Variants in SYCP2 observed in about 807,000 individuals in gnomAD.
SYCP2 encodes synaptonemal complex protein 2, also known as synaptonemal complex lateral element protein.
A neutral mutation model predicts 211.3 loss-of-function variants in SYCP2; 55 were observed. The observed-to-expected ratio is 0.26, with a 90% confidence interval of 0.21 to 0.33. SYCP2 has a LOEUF of 0.33. Ranked by LOEUF, SYCP2 falls within the 10% of genes least tolerant of loss-of-function variation. The pLI is 1.00. For synonymous variants in SYCP2, 570 were observed against 555.2 expected (o/e 1.03, Z -0.37); for missense variants, 1,731 against 1,752.0 (o/e 0.99, Z 0.21).
At chr20:59,912,143 C>T in intron 13 of SYCP2, 1 of 416,214 alleles carries the variant, frequency 2.4e-6, no homozygotes, top group Non-Finnish European at 4.3e-6. Context: ...CTTAAGGAAA[C>T]ACGAGAAAAA....
intron 30 of SYCP2, 103 bp downstream of exon 30, chr20:59,880,863 A>G (rs1173749524): frequency 1.7e-6 from 1 of 586,624 alleles, no homozygotes; most frequent in Non-Finnish European, 2.8e-6. Flanking sequence ...TGCATAAATA[A>G]AACAATCAAA....
intron 14 of SYCP2, among the ~76,000 whole-genome samples, chr20:59,907,711 A>T (rs2060239060): frequency 6.6e-6 from 1 of 152,178 alleles, no homozygotes; most frequent in African/African-American, 2.4e-5. Flanking sequence ...TACCCTTTTT[A>T]AAAATGTTAC....
chr20:59,880,891 T>G (rs1336159488), intron 30 of SYCP2, 75 bp downstream of exon 30: 1 of 721,764 alleles, frequency 1.4e-6, no homozygotes, highest in Non-Finnish European at 2.1e-6. Context: ...TGTTTTCTTG[T>G]TTTTGATAAT....
rs751528651 is a variant in SYCP2 at position 59,875,440 on chromosome 20, C to A, written c.3180G>T (p.Thr1060=). The change falls in exon 34 of 45, where the codon ACG becomes ACT. Residue 1060 remains threonine (T), a synonymous_variant. Coordinates refer to ENST00000357552, the MANE Select transcript of SYCP2 (RefSeq NM_014258.4). The part of the protein sequence containing the change: ...KEENIHSRMK[T]VKLPKKQQKV... ...TCTGTTGTTTCTTTGGTAGCTTTAC[C>A]GTTTTCATTCTGGAATGGATATTCT... The A allele has an allele frequency of 1.2e-6, 2 of 1,611,184 alleles. No homozygotes were observed. The highest frequency in any genetic ancestry group is 2.7e-5 in the African/African-American group (2 of 74,672).
intron 23 of SYCP2, 36 bp from the exon 24 acceptor site, chr20:59,892,462 T>G: frequency 6.8e-7 from 1 of 1,463,890 alleles, no homozygotes; most frequent in Non-Finnish European, 9.2e-7. Flanking sequence ...TCTTTTTAAA[T>G]TAATAAGTTG....
In SYCP2 at chr20:59,869,885, T is replaced by A. The variant is rs759532864; in HGVS notation, c.3654A>T (p.Ser1218=). 5.0e-6 allele frequency: 8 copies of A among 1,604,638 alleles called. No homozygotes were observed. The East Asian group carries it at 1.8e-4, about 36-fold the overall frequency. The change falls in exon 36 of 45, where the codon TCA becomes TCT. Residue 1218 remains serine, a synonymous_variant. Transcript: ENST00000357552. ...TQETQNSNSY[S]DVSSYSSEER... is the part of the protein sequence containing the mutation. ...CTTCTGAACTATAACTGCTTACATC[T>A]GAATAGCTGTTACTGTTTTGTGTTT...
intron 44 of SYCP2, among the ~76,000 whole-genome samples, chr20:59,864,993 T>G (rs1568895545): frequency 6.6e-6 from 1 of 152,084 alleles, no homozygotes; most frequent in East Asian, 1.9e-4. Flanking sequence ...TCTAAGTAAA[T>G]GACATCTTGT....
intron 2 of SYCP2, among the ~76,000 whole-genome samples, chr20:59,929,266 T>C (rs1160494508): frequency 6.6e-6 from 1 of 151,826 alleles, no homozygotes; most frequent in Non-Finnish European, 1.5e-5. Flanking sequence ...GAAGTCACAG[T>C]GGGAATAAAG....
intron 8 of SYCP2, 130 bp downstream of exon 8, chr20:59,916,356 T>C (rs1007919005): frequency 3.3e-6 from 2 of 605,416 alleles, no homozygotes; most frequent in African/African-American, 1.9e-5. Flanking sequence ...TGTCAGGCAA[T>C]AGATTATGAT....
chr20:59,921,181 G>A, intron 4 of SYCP2, 129 bp downstream of exon 4: 1 of 630,476 alleles, frequency 1.6e-6, no homozygotes, highest in East Asian at 3.2e-5. Context: ...GGTGAAATAA[G>A]CATTTATTTA....
intron 24 of SYCP2, among the ~76,000 whole-genome samples, 181 bp from the exon 25 acceptor site, chr20:59,887,015 A>C (rs2059803538): frequency 6.6e-6 from 1 of 151,930 alleles, no homozygotes; most frequent in South Asian, 2.1e-4. Flanking sequence ...AATTTTTTTT[A>C]TTATACTTTA....
chr20:59,917,730 T>C (rs904033568), intron 7 of SYCP2, among the ~76,000 whole-genome samples: 1 of 152,206 alleles, frequency 6.6e-6, no homozygotes, highest in Non-Finnish European at 1.5e-5. Context: ...GTAAGTCTTC[T>C]TCAATCAACA....
chr20:59,865,725 T>A, intron 42 of SYCP2, 74 bp from the exon 43 acceptor site: 1 of 1,065,948 alleles, frequency 9.4e-7, no homozygotes, highest in South Asian at 2.6e-5. Context: ...ATAGTATATA[T>A]AATTTTAATT....
At chr20:59,932,449 G>A (rs2060771566) in intron 1 of SYCP2, among the ~76,000 whole-genome samples, 1 of 152,154 alleles carries the variant, frequency 6.6e-6, no homozygotes, top group African/African-American at 2.4e-5. Flanking sequence ...GCCGAGGCAG[G>A]TGGATCACCT....
At chr20:59,906,139 A>C (rs537758918) in intron 15 of SYCP2, among the ~76,000 whole-genome samples, 1 of 152,258 alleles carries the variant, frequency 6.6e-6, no homozygotes, top group South Asian at 2.1e-4. Context: ...TTAACATGTT[A>C]TTTCTCCCCA....
chr20:59,917,572 T>G (rs986834664), intron 7 of SYCP2, among the ~76,000 whole-genome samples: 1 of 152,190 alleles, frequency 6.6e-6, no homozygotes, highest in African/African-American at 2.4e-5. Flanking sequence ...AAATTTAGAC[T>G]ACATTGTTAT....
At chr20:59,888,505 G>A (rs1335089280) in intron 24 of SYCP2, among the ~76,000 whole-genome samples, 1 of 152,020 alleles carries the variant, frequency 6.6e-6, no homozygotes, top group Non-Finnish European at 1.5e-5. Flanking sequence ...TTCTCAGCTT[G>A]ATAAAGAGCA....
At position 59,867,603 on chromosome 20, in the gene SYCP2, T is replaced by C. The variant is rs2059376117; in HGVS notation, c.4125+108A>G. 4.7e-5 allele frequency: 43 copies of C among 923,456 alleles called. No homozygotes were observed. The East Asian group carries it at 9.3e-4, about 20-fold the overall frequency. 57.2% of individuals were successfully genotyped at this position (923,456 alleles called of 1,614,324 possible). On this transcript the variant is annotated intron_variant, in intron 39 of 44. Transcript: ENST00000357552. ...TCACATATAAGGAAAGTTGGTTTCA[T>C]GAATGGATATTTTGTTGCCAAAGGA... is the stretch of plus-strand genomic sequence containing the variant.
chr20:59,902,000 G>A (rs546259017), intron 15 of SYCP2, among the ~76,000 whole-genome samples, 190 bp from the exon 16 acceptor site: 1 of 152,112 alleles, frequency 6.6e-6, no homozygotes, highest in Non-Finnish European at 1.5e-5. Context: ...AGCTTTCCTA[G>A]TCTCAGTGTT....
Sources: allele counts gnomAD v4.1 joint callset (sites outside exome capture counted in the v4.1 genomes callset), GRCh38; gene constraint gnomAD v4.1.1; transcripts MANE v1.5; gene names NCBI Gene and HGNC (gene_info 2026-07-23, HGNC 2026-07-21).